The following MYO5B variants were observed in gnomAD, a reference collection of about 807,000 sequenced individuals.
MYO5B encodes myosin VB, also known as unconventional myosin-Vb.
Under a neutral mutation model 229.3 loss-of-function variants are expected in MYO5B, and 143 were observed. That is an observed-to-expected ratio of 0.62 (90% CI 0.54 to 0.72). The LOEUF is 0.72. Among genes scored for constraint, MYO5B ranks in the 30% least tolerant of loss-of-function variants. The pLI, the probability that MYO5B is intolerant of heterozygous loss-of-function variation, is 0.00. For synonymous variants in MYO5B, 918 were observed against 885.2 expected, an observed-to-expected ratio of 1.04 and a Z score of -0.66; for missense variants, 2,321 against 2,331.0, an observed-to-expected ratio of 1.00 and a Z score of 0.09.
intron 13 of MYO5B, among the ~76,000 whole-genome samples, chr18:49,953,693 A>G (rs17658880): frequency 0.14 from 21,921 of 152,148 alleles, 1,689 homozygotes; most frequent in South Asian, 0.22. Context: ...AGAAACACCG[A>G]GCTAGTGCAT....
intron 1 of MYO5B, among the ~76,000 whole-genome samples, chr18:50,185,333 A>G (rs1007168845): frequency 8.5e-5 from 13 of 152,142 alleles, no homozygotes; most frequent in Non-Finnish European, 1.6e-4. Context: ...AATGACCCGA[A>G]CTTAGAGTGG....
intron 39 of MYO5B, among the ~76,000 whole-genome samples, chr18:49,829,198 C>A (rs1183738333): frequency 6.6e-6 from 1 of 151,310 alleles, no homozygotes; most frequent in Admixed American, 6.6e-5. Flanking sequence ...CCTGCCTCAG[C>A]CCCCCAAGTA....
intron 19 of MYO5B, 92 bp downstream of exon 19, chr18:49,906,327 C>A (rs1371767930): frequency 2.3e-6 from 3 of 1,279,522 alleles, no homozygotes; most frequent in Non-Finnish European, 3.3e-6. Context: ...ACTCTCAGCA[C>A]AGAGGAAGAG....
chr18:50,081,703 T>C (rs1173447668), intron 1 of MYO5B, among the ~76,000 whole-genome samples: 1 of 149,874 alleles, frequency 6.7e-6, no homozygotes, highest in Non-Finnish European at 1.5e-5. Context: ...ATTTTTTCAG[T>C]CCAAGTAACA....
chr18:50,188,125 A>G (rs2033175007), intron 1 of MYO5B, among the ~76,000 whole-genome samples: 1 of 152,214 alleles, frequency 6.6e-6, no homozygotes, highest in Admixed American at 6.5e-5. Context: ...GTAAGTGTAT[A>G]TTTCAAAATA....
chr18:49,878,260 A>T (rs899100558), intron 24 of MYO5B, among the ~76,000 whole-genome samples: 3 of 151,936 alleles, frequency 2.0e-5, no homozygotes, highest in Admixed American at 2.0e-4. Context: ...TTCAACCTGC[A>T]CTCCTCAAAT....
chr18:50,094,461 T>G (rs77254345), intron 1 of MYO5B, among the ~76,000 whole-genome samples: 5,776 of 112,198 alleles, frequency 0.051, 356 homozygotes, highest in African/African-American at 0.18. Context: ...AAGTACTGAG[T>G]TTTTTTTTGT....
At chr18:50,120,534 G>A (rs145611482) in intron 1 of MYO5B, among the ~76,000 whole-genome samples, 16 of 152,330 alleles carry the variant, frequency 1.1e-4, no homozygotes, top group African/African-American at 3.8e-4. Flanking sequence ...GCCACTAGGA[G>A]CATTTGTCTA....
At chr18:50,102,284 G>A (rs887375557) in intron 1 of MYO5B, among the ~76,000 whole-genome samples, 7 of 151,740 alleles carry the variant, frequency 4.6e-5, no homozygotes, top group Admixed American at 1.3e-4. Context: ...TAGGTACACC[G>A]AACCACCATG....
Position 49,880,398 on chromosome 18 carries a change from T to C in MYO5B, c.3103A>G (p.Asn1035Asp). The C allele has an allele frequency of 6.2e-7, 1 of 1,614,124 alleles. No individual in the cohort carries two copies. Among genetic ancestry groups the C allele is most frequent in the Non-Finnish European group, 8.5e-7 (1 of 1,179,970 alleles). The change falls in exon 23 of 40, where the codon AAC (asparagine) becomes GAC (aspartate). Residue 1035 changes from asparagine to aspartate, a missense_variant. Asn to Asp is a conservative substitution (Grantham distance 23). Around this residue, in one of 2 missense-constraint regions of MYO5B, gnomAD observed 2,113 missense variants for 2,044.7 expected, o/e 1.03. Coordinates refer to ENST00000285039, the MANE Select transcript of MYO5B (RefSeq NM_001080467.3). ...ALLKDEKEQLNNQILCQSKDE... is the reference protein window; with the variant it reads ...ALLKDEKEQLDNQILCQSKDE... Reference sequence around the variant, plus strand: ...TTAGACTGGCACAGGATTTGGTTGTTGAGCTGTTCTTTCTCATCTTTCAAG... The same window carrying C: ...TTAGACTGGCACAGGATTTGGTTGTCGAGCTGTTCTTTCTCATCTTTCAAG...
chr18:50,033,908 CT>C (rs1296688799), intron 4 of MYO5B, among the ~76,000 whole-genome samples: 1 of 151,084 alleles, frequency 6.6e-6, no homozygotes, highest in East Asian at 1.9e-4. Flanking sequence ...TCTCCTGGAA[CT>C]CTTGGGGGGT....
chr18:49,973,599 C>T (rs1266431072), intron 10 of MYO5B, among the ~76,000 whole-genome samples: 2 of 152,162 alleles, frequency 1.3e-5, no homozygotes, highest in Non-Finnish European at 2.9e-5. Context: ...CAACCCAGTT[C>T]GTGTTAACTT....
intron 2 of MYO5B, among the ~76,000 whole-genome samples, chr18:50,051,659 C>T (rs147349230): frequency 1.0e-3 from 155 of 152,290 alleles, no homozygotes; most frequent in African/African-American, 3.3e-3. Flanking sequence ...TACCTTGTAC[C>T]CATCATGGCT....
intron 27 of MYO5B, among the ~76,000 whole-genome samples, chr18:49,870,949 ACC>A (rs1313410202): frequency 1.3e-5 from 2 of 152,160 alleles, no homozygotes; most frequent in African/African-American, 4.8e-5. Flanking sequence ...TGGGGTATAT[ACC>A]TAAAAGAACT....
At chr18:49,975,894 C>T (rs553610475) in intron 9 of MYO5B, among the ~76,000 whole-genome samples, 12 of 152,222 alleles carry the variant, frequency 7.9e-5, no homozygotes, top group Non-Finnish European at 8.8e-5. Flanking sequence ...TACCCAAATA[C>T]CAATCACATC....
chr18:50,056,691 C>T (rs1239933291), intron 1 of MYO5B, among the ~76,000 whole-genome samples: 1 of 151,742 alleles, frequency 6.6e-6, no homozygotes. Context: ...ATGCGGCCAG[C>T]TGGCTTTACT....
chr18:50,142,982 G>A (rs892284361), intron 1 of MYO5B, among the ~76,000 whole-genome samples: 2 of 152,144 alleles, frequency 1.3e-5, no homozygotes, highest in African/African-American at 4.8e-5. Context: ...TACCAACTGA[G>A]TTCACTGTGA....
At chr18:50,113,290 G>A (rs2031900657) in intron 1 of MYO5B, among the ~76,000 whole-genome samples, 1 of 152,216 alleles carries the variant, frequency 6.6e-6, no homozygotes, top group Non-Finnish European at 1.5e-5. Context: ...GCAGTATCAA[G>A]GGGTGCTTTG....
intron 2 of MYO5B, among the ~76,000 whole-genome samples, chr18:50,049,267 A>G (rs1456764189): frequency 1.3e-5 from 2 of 152,240 alleles, no homozygotes; most frequent in Non-Finnish European, 2.9e-5. Context: ...ACTCTGGCAC[A>G]TAATTGCTCA....
Sources: allele counts gnomAD v4.1 joint callset (sites outside exome capture counted in the v4.1 genomes callset), GRCh38; gene constraint gnomAD v4.1.1; regional missense constraint gnomAD v4.1.1; transcripts MANE v1.5; gene names NCBI Gene and HGNC (gene_info 2026-07-23, HGNC 2026-07-21).